Variants in CASTOR2 observed in about 807,000 individuals in gnomAD.
The protein encoded by CASTOR2 is GATS protein like 2.
CASTOR2 carries 8 observed loss-of-function variants against 31.2 expected under a neutral mutation model. The observed-to-expected ratio is 0.26, with a 90% confidence interval of 0.15 to 0.46. CASTOR2 has a LOEUF of 0.46. Ranked by LOEUF, CASTOR2 falls within the 20% of genes least tolerant of loss-of-function variation. CASTOR2 has a pLI of 0.99. For synonymous variants in CASTOR2, 162 were observed against 158.7 expected (o/e 1.02, Z -0.16); for missense variants, 216 against 382.1 (o/e 0.57, Z 3.62).
chr7:75,023,484 T>G (rs1348722381), intron 7 of CASTOR2, among the ~76,000 whole-genome samples: 8,687 of 150,490 alleles, frequency 0.058, 359 homozygotes, highest in Non-Finnish European at 0.087. Context: ...TTTGTTTTTT[T>G]TTTTTTTGAG....
chr7:75,005,129 A>C (rs1460026943), intron 1 of CASTOR2, among the ~76,000 whole-genome samples: 6 of 152,104 alleles, frequency 3.9e-5, no homozygotes, highest in Non-Finnish European at 8.8e-5. Context: ...TGCCTCGCAA[A>C]GTGCTGGGAT....
chr7:74,998,424 C>T (rs1433080939), intron 1 of CASTOR2, among the ~76,000 whole-genome samples: 1 of 152,072 alleles, frequency 6.6e-6, no homozygotes, highest in Admixed American at 6.6e-5. Flanking sequence ...GCCAACATGG[C>T]GAAACCCCAT....
intron 2 of CASTOR2, among the ~76,000 whole-genome samples, chr7:75,010,820 A>G (rs1408434844): frequency 6.6e-6 from 1 of 152,032 alleles, no homozygotes; most frequent in East Asian, 1.9e-4. Flanking sequence ...TGCCCAAGAA[A>G]AAAAAAATTG....
At position 75,026,550 on chromosome 7, in the gene CASTOR2, C is replaced by G. The variant is rs892082242; in HGVS notation, c.*1851C>G. Reference sequence around the variant, plus strand: ...TATTTTCTAGTCCTGACAAAGTGTTCCCTGCTTCTCTGAGTGGGACCCTCT... The same window carrying G: ...TATTTTCTAGTCCTGACAAAGTGTTGCCTGCTTCTCTGAGTGGGACCCTCT... On this transcript the variant is annotated 3_prime_UTR_variant, in exon 9 of 9. Coordinates refer to ENST00000616305, the MANE Select transcript of CASTOR2 (RefSeq NM_001145064.3). 6.6e-6 allele frequency among the ~76,000 whole-genome samples: 1 copy of G among 152,134 alleles called. No homozygotes were observed. Among genetic ancestry groups the G allele is most frequent in the African/African-American group, 2.4e-5 (1 of 41,422 alleles).
At chr7:74,987,332 G>T (rs1804092135) in intron 1 of CASTOR2, among the ~76,000 whole-genome samples, 1 of 151,766 alleles carries the variant, frequency 6.6e-6, no homozygotes, top group East Asian at 1.9e-4. Flanking sequence ...TTCAACCTGG[G>T]AAGTGGAGGT....
At chr7:75,016,505 C>A (rs1291349343) in intron 2 of CASTOR2, among the ~76,000 whole-genome samples, 1 of 152,182 alleles carries the variant, frequency 6.6e-6, no homozygotes, top group Non-Finnish European at 1.5e-5. Context: ...GCCTCTTCTT[C>A]CAGAGAAGCC....
At chr7:75,006,931 G>A (rs1443279407) in intron 1 of CASTOR2, among the ~76,000 whole-genome samples, 3 of 147,218 alleles carry the variant, frequency 2.0e-5, no homozygotes, top group Admixed American at 7.2e-5. Context: ...ACCCAGTCTC[G>A]GGTATGTGTT....
In CASTOR2 at chr7:75,027,177, C is replaced by T. The variant is rs1299491012; in HGVS notation, c.*2478C>T. 1.2e-4 allele frequency: 19 copies of T among 152,278 alleles called. No homozygotes were observed. The highest frequency in any genetic ancestry group is 4.1e-4 in the African/African-American group (17 of 41,560). The allele number at this position is 152,278 out of a possible 1,614,324, so 9.4% of individuals were successfully genotyped here. ...TAGGCAATACGATTATTACAGAAGC[C>T]GATGGGTTCCCTCAGACCTGACTTG... is the stretch of plus-strand genomic sequence containing the variant. On this transcript the variant is annotated 3_prime_UTR_variant, in exon 9 of 9. Coordinates refer to ENST00000616305, the MANE Select transcript of CASTOR2 (RefSeq NM_001145064.3).
intron 2 of CASTOR2, among the ~76,000 whole-genome samples, chr7:75,014,246 G>C (rs1804814836): frequency 6.6e-6 from 1 of 151,848 alleles, no homozygotes; most frequent in Admixed American, 6.6e-5. Context: ...GCCACGCATG[G>C]CAAGGCATGG....
chr7:74,982,415 G>A (rs1803967226), intron 1 of CASTOR2, among the ~76,000 whole-genome samples: 1 of 151,966 alleles, frequency 6.6e-6, no homozygotes, highest in South Asian at 2.1e-4. Context: ...GCATCTGTAA[G>A]GGCAGATCTC....
At chr7:75,013,143 C>T (rs1804792169) in intron 2 of CASTOR2, among the ~76,000 whole-genome samples, 1 of 152,238 alleles carries the variant, frequency 6.6e-6, no homozygotes, top group Admixed American at 6.5e-5. Context: ...TTCTGCAAAC[C>T]TCCAGCGCTG....
rs879121750 is a variant in CASTOR2 at position 75,026,189 on chromosome 7, GTTTT to G, written c.*1504_*1507del. Reference sequence around the variant, plus strand: ...CCCTGTGGTTTTGGCTCTGGCGGGGGTTTTTTTTTTTTTTTTTGAGATGGGAGTC... The same window carrying G: ...CCCTGTGGTTTTGGCTCTGGCGGGGGTTTTTTTTTTTTTGAGATGGGAGTC... On this transcript the variant is annotated 3_prime_UTR_variant, in exon 9 of 9. Transcript: ENST00000616305. 8.5e-6 allele frequency among the ~76,000 whole-genome samples: 1 copy of G among 117,742 alleles called. No individual in the cohort carries two copies. The highest frequency in any genetic ancestry group is 3.2e-5 in the African/African-American group (1 of 30,772). The allele number at this position is 117,742 out of a possible 152,430, so 77.2% of individuals were successfully genotyped here. A position where few individuals can be genotyped will look rare whatever the true frequency, so the allele number is the denominator to read the frequency against.
intron 6 of CASTOR2, 38 bp from the exon 7 acceptor site, chr7:75,021,836 C>T: frequency 6.4e-7 from 1 of 1,551,162 alleles, no homozygotes; most frequent in Non-Finnish European, 8.7e-7. Context: ...GTGCAATTCA[C>T]ATCAGCCTCG....
chr7:74,982,295 G>A lies in CASTOR2; in HGVS notation c.113+17197G>A, dbSNP rs1161779082. Among the ~76,000 whole-genome samples the A allele has an allele frequency of 6.3e-4, 92 of 146,868 alleles. 1 individual carries two copies. Among genetic ancestry groups the A allele is most frequent in the Admixed American group, 1.6e-3 (23 of 14,578 alleles). On this transcript the variant is annotated intron_variant, in intron 1 of 8. Transcript: ENST00000616305. ...GCCCACTCCCCTGCATGCAGGAGCTGGATCTCTGCTTCACTCTTCCCCTTT... is the reference window on the plus strand; with the variant it reads ...GCCCACTCCCCTGCATGCAGGAGCTAGATCTCTGCTTCACTCTTCCCCTTT...
rs1246638181 is a variant in CASTOR2 at position 75,029,353 on chromosome 7, T to TG, written c.*4660dup. On this transcript the variant is annotated 3_prime_UTR_variant, in exon 9 of 9. Coordinates refer to ENST00000616305, the MANE Select transcript of CASTOR2 (RefSeq NM_001145064.3). Reference sequence around the variant, plus strand: ...GGGCAAGAGCACCTCAGCCCTGCAATGGGGGGATCTTTTTTTTTTTTTTTT... The same window carrying TG: ...GGGCAAGAGCACCTCAGCCCTGCAATGGGGGGGATCTTTTTTTTTTTTTTTT... Among the ~76,000 whole-genome samples the TG allele has an allele frequency of 1.1e-4, 16 of 142,886 alleles. No homozygotes were observed. The highest frequency in any genetic ancestry group is 3.7e-4 in the African/African-American group (14 of 38,120). The allele number at this position is 142,886 out of a possible 152,430, so 93.7% of individuals were successfully genotyped here.
intron 1 of CASTOR2, among the ~76,000 whole-genome samples, chr7:74,990,235 A>G (rs782120364): frequency 4.4e-4 from 67 of 151,958 alleles, no homozygotes; most frequent in Non-Finnish European, 7.8e-4. Context: ...AAAAATACAA[A>G]AAATTAGCCG....
At chr7:75,004,240 G>C (rs1208998625) in intron 1 of CASTOR2, among the ~76,000 whole-genome samples, 111 of 152,296 alleles carry the variant, frequency 7.3e-4, no homozygotes, top group Non-Finnish European at 1.2e-3. Context: ...ACTTACTGTG[G>C]TGATAATTTG....
intron 4 of CASTOR2, among the ~76,000 whole-genome samples, chr7:75,018,634 G>T (rs1804921479): frequency 6.6e-6 from 1 of 152,264 alleles, no homozygotes; most frequent in Admixed American, 6.5e-5. Flanking sequence ...AATGGCCAGA[G>T]GCCACTCCTG....
intron 1 of CASTOR2, among the ~76,000 whole-genome samples, chr7:74,985,015 T>G (rs1169539376): frequency 1.3e-5 from 2 of 152,114 alleles, no homozygotes; most frequent in East Asian, 3.9e-4. Flanking sequence ...TGCACACCTG[T>G]AATCCCAGCT....
Sources: allele counts gnomAD v4.1 joint callset (sites outside exome capture counted in the v4.1 genomes callset), GRCh38; gene constraint gnomAD v4.1.1; transcripts MANE v1.5; gene names NCBI Gene and HGNC (gene_info 2026-07-23, HGNC 2026-07-21).